BCL7A: variants seen among roughly 807,000 people sequenced by gnomAD.
BCL7A encodes the protein BAF chromatin remodeling complex subunit BCL7A, also known as B-cell CLL/lymphoma 7 protein family member A.
A neutral mutation model predicts 28.4 loss-of-function variants in BCL7A; 11 were observed. The ratio of observed to expected loss-of-function variants is 0.39; its 90% CI spans 0.24 to 0.64. The LOEUF (loss-of-function observed/expected upper bound fraction) is 0.64. Among genes scored for constraint, BCL7A ranks in the 30% least tolerant of loss-of-function variants. The pLI is 0.50. For synonymous variants in BCL7A, 123 were observed against 103.3 expected, an observed-to-expected ratio of 1.19 and a Z score of -1.15; for missense variants, 222 against 274.8, an observed-to-expected ratio of 0.81 and a Z score of 1.36.
Position 122,054,903 on chromosome 12 carries a change from G to C in BCL7A, c.538G>C (p.Ala180Pro). Residue 180 changes from alanine (A) to proline (P), a missense_variant, in exon 5 of 6, where the codon GCA (alanine) becomes CCA (proline). Ala to Pro is a conservative substitution (Grantham distance 27). Coordinates refer to ENST00000261822, the MANE Select transcript of BCL7A (RefSeq NM_001024808.3). ...RQPSGDSGLA[A>P]ETSAISQDLE... ...GCCGTCTGGAGACTCGGGTCTGGCC[G>C]CAGAGACGTCTGCAATCTCTCAGGT... 6.2e-7 allele frequency: 1 copy of C among 1,614,162 alleles called. No homozygotes were observed. The highest frequency in any genetic ancestry group is 8.5e-7 in the Non-Finnish European group (1 of 1,180,018).
chr12:122,023,081 C>T (rs1883509604), intron 1 of BCL7A, among the ~76,000 whole-genome samples: 3 of 152,248 alleles, frequency 2.0e-5, no homozygotes, highest in Admixed American at 6.5e-5. Context: ...ATCACATTAG[C>T]GTCCGCCCGG....
intron 1 of BCL7A, among the ~76,000 whole-genome samples, chr12:122,025,248 A>C (rs1883594865): frequency 6.6e-6 from 1 of 152,092 alleles, no homozygotes; most frequent in African/African-American, 2.4e-5. Context: ...CTGTAATCCC[A>C]GAGCTTTGGG....
intron 1 of BCL7A, among the ~76,000 whole-genome samples, chr12:122,025,151 T>A (rs2135837239): frequency 6.6e-6 from 1 of 151,974 alleles, no homozygotes; most frequent in Admixed American, 6.6e-5. Context: ...CCTGTGCTGG[T>A]GGAGGAGAGA....
chr12:122,051,866 CTTTTTTTTTTTTTT>C (rs34244407), intron 4 of BCL7A, among the ~76,000 whole-genome samples: 2 of 80,330 alleles, frequency 2.5e-5, no homozygotes, highest in South Asian at 1.0e-3. Context: ...CTCTCTCTCT[CTTTTTTTTTTTTTT>C]TTTTTTTTTT....
At chr12:122,030,652 C>T in intron 1 of BCL7A, 48 bp from the exon 2 acceptor site, 5 of 1,553,288 alleles carry the variant, frequency 3.2e-6, no homozygotes, top group Non-Finnish European at 4.4e-6. Context: ...CCTGTGTCCC[C>T]CAGGGATGAA....
At chr12:122,039,063 A>C (rs940251391) in intron 3 of BCL7A, among the ~76,000 whole-genome samples, 2 of 151,992 alleles carry the variant, frequency 1.3e-5, no homozygotes, top group Non-Finnish European at 2.9e-5. Context: ...CTGGGAGGCC[A>C]AGGCGGGCAG....
chr12:122,024,346 G>A (rs1593020580), intron 1 of BCL7A, among the ~76,000 whole-genome samples: 1 of 152,190 alleles, frequency 6.6e-6, no homozygotes, highest in Non-Finnish European at 1.5e-5. Flanking sequence ...GGGTTATTGA[G>A]GACGATTGAG....
At position 122,060,733 on chromosome 12, in the gene BCL7A, A is replaced by G; in HGVS notation, c.*1570A>G. On this transcript the variant is annotated 3_prime_UTR_variant, in exon 6 of 6. Coordinates refer to ENST00000261822, the MANE Select transcript of BCL7A (RefSeq NM_001024808.3). ...TGACGTGTGGCTCTTTCTCCTGACC[A>G]TCATGGGAAGTGTCTGCTGGATTCC... 1 of 231,254 alleles carries G rather than the reference A, an allele frequency of 4.3e-6. No homozygotes were observed. The allele number at this position is 231,254 out of a possible 1,614,324, so 14.3% of individuals were successfully genotyped here.
chr12:122,053,811 G>T (rs1051469123), intron 4 of BCL7A, among the ~76,000 whole-genome samples: 1 of 151,788 alleles, frequency 6.6e-6, no homozygotes, highest in Non-Finnish European at 1.5e-5. Flanking sequence ...ATTCCTTGAT[G>T]GAATGGTGTG....
At chr12:122,032,309 C>G (rs548321087) in intron 2 of BCL7A, among the ~76,000 whole-genome samples, 1 of 152,204 alleles carries the variant, frequency 6.6e-6, no homozygotes, top group South Asian at 2.1e-4. Flanking sequence ...AGGGACTGAG[C>G]CTTGGTCTCT....
In BCL7A at chr12:122,038,431, C is replaced by CAAAAAAAAAAAAAAAA. The variant is rs56376395; in HGVS notation, c.271+3017_271+3032dup. On this transcript the variant is annotated intron_variant, in intron 3 of 5. Transcript: ENST00000261822. Reference sequence around the variant, plus strand: ...TGGGCAAAGGAGCGAGACTCTGCCTCAAAAAAAAAAAAAAAAAAAAAAAAA... The same window carrying CAAAAAAAAAAAAAAAA: ...TGGGCAAAGGAGCGAGACTCTGCCTCAAAAAAAAAAAAAAAAAAAAAAAAAAAAAAAAAAAAAAAAA... Among the ~76,000 whole-genome samples, 22 of 33,554 alleles carry CAAAAAAAAAAAAAAAA rather than the reference C, an allele frequency of 6.6e-4. 1 individual carries two copies. The highest frequency in any genetic ancestry group is 2.2e-3 in the East Asian group (2 of 904). The allele number at this position is 33,554 out of a possible 152,430, so 22.0% of individuals were successfully genotyped here. A position where few individuals can be genotyped will look rare whatever the true frequency, so the allele number is the denominator to read the frequency against.
intron 4 of BCL7A, among the ~76,000 whole-genome samples, chr12:122,046,924 G>C (rs1457279301): frequency 6.8e-6 from 1 of 146,824 alleles, no homozygotes; most frequent in Non-Finnish European, 1.5e-5. Flanking sequence ...TTTTTTTCCA[G>C]ACGGAGTCTT....
chr12:122,030,178 A>T (rs2135841736), intron 1 of BCL7A, among the ~76,000 whole-genome samples: 1 of 152,312 alleles, frequency 6.6e-6, no homozygotes, highest in South Asian at 2.1e-4. Context: ...GCCGCCACGA[A>T]GGGCATTCTT....
chr12:122,055,096 G>T, intron 5 of BCL7A, 170 bp downstream of exon 5: 1 of 1,382,284 alleles, frequency 7.2e-7, no homozygotes, highest in Non-Finnish European at 9.8e-7. Context: ...CCTGGGCTCT[G>T]CCTTGGGCTC....
At chr12:122,043,114 G>A (rs1268145275) in intron 3 of BCL7A, among the ~76,000 whole-genome samples, 1 of 151,466 alleles carries the variant, frequency 6.6e-6, no homozygotes, top group African/African-American at 2.4e-5. Context: ...TTCCTATCAA[G>A]TGGAACTCAG....
chr12:122,038,206 C>T (rs183172656), intron 3 of BCL7A, among the ~76,000 whole-genome samples: 369 of 151,714 alleles, frequency 2.4e-3, no homozygotes, highest in African/African-American at 8.4e-3. Context: ...CTGGTGTGGG[C>T]GGGTCACTTG....
chr12:122,023,905 G>C (rs2135835328), intron 1 of BCL7A, among the ~76,000 whole-genome samples: 1 of 152,338 alleles, frequency 6.6e-6, no homozygotes, highest in African/African-American at 2.4e-5. Flanking sequence ...CGGCCTGGAG[G>C]TTGGGAAACA....
chr12:122,059,030 G>A lies in BCL7A; in HGVS notation c.562-62G>A, dbSNP rs545787280. On this transcript the variant is annotated intron_variant, in intron 5 of 5. Transcript: ENST00000261822. This position sits in a 1 kb window ranked among gnomAD's most constrained non-coding sequence, Gnocchi z 4.0. Reference sequence around the variant, plus strand: ...TTCCTTGGCTGACCTTCGGCCTCACGCCTGGCCTAACTTGCTCTCCTGGCC... The same window carrying A: ...TTCCTTGGCTGACCTTCGGCCTCACACCTGGCCTAACTTGCTCTCCTGGCC... 6.4e-5 allele frequency: 93 copies of A among 1,447,632 alleles called. No individual in the cohort carries two copies. In the South Asian group the frequency reaches 7.1e-4, roughly 11 times the overall value. The allele number at this position is 1,447,632 out of a possible 1,614,324, so 89.7% of individuals were successfully genotyped here.
intron 3 of BCL7A, among the ~76,000 whole-genome samples, 160 bp downstream of exon 3, chr12:122,035,587 G>A (rs1883834533): frequency 6.6e-6 from 1 of 152,246 alleles, no homozygotes; most frequent in Non-Finnish European, 1.5e-5. Context: ...AGAAGAGTCA[G>A]CGGAGGAGAG....
Sources: gnomAD v4.1 joint callset for allele counts (sites outside exome capture counted in the v4.1 genomes callset) on GRCh38, gnomAD v4.1.1 for gene constraint, Gnocchi (gnomAD v3.1) non-coding constraint, MANE v1.5 for transcripts, NCBI Gene and HGNC (gene_info 2026-07-23, HGNC 2026-07-21) for gene names.